ADGRL3: variants seen among roughly 807,000 people sequenced by gnomAD.
The protein encoded by ADGRL3 is calcium-independent alpha-latrotoxin receptor 3.
A neutral mutation model predicts 153.5 loss-of-function variants in ADGRL3; 62 were observed. That is an observed-to-expected ratio of 0.40 (90% confidence interval 0.33 to 0.50). The LOEUF (loss-of-function observed/expected upper bound fraction) is 0.50. ADGRL3 is among the 20% of genes least tolerant of loss of function. ADGRL3 has a pLI of 0.47. For synonymous variants in ADGRL3, 710 were observed against 672.5 expected, an observed-to-expected ratio of 1.06 and a Z score of -0.86; for missense variants, 1,641 against 1,859.4, an observed-to-expected ratio of 0.88 and a Z score of 2.16.
chr4:61,546,311 A>G (rs1274994884), intron 4 of ADGRL3, among the ~76,000 whole-genome samples: 1 of 152,162 alleles, frequency 6.6e-6, no homozygotes, highest in Non-Finnish European at 1.5e-5. Flanking sequence ...ATATGTCTGT[A>G]TTACACCAGT....
chr4:62,000,413 G>A (rs1277243004), intron 21 of ADGRL3, among the ~76,000 whole-genome samples: 1 of 151,796 alleles, frequency 6.6e-6, no homozygotes, highest in Non-Finnish European at 1.5e-5. Flanking sequence ...TAGGTAATGT[G>A]GGTGAATCTT....
chr4:61,607,864 A>C (rs2099038675), intron 5 of ADGRL3, among the ~76,000 whole-genome samples: 1 of 152,138 alleles, frequency 6.6e-6, no homozygotes, highest in African/African-American at 2.4e-5. Flanking sequence ...CTTCATAATT[A>C]AACTGTAAAC....
intron 13 of ADGRL3, among the ~76,000 whole-genome samples, chr4:61,925,550 C>T (rs993377589): frequency 1.3e-5 from 2 of 152,096 alleles, no homozygotes; most frequent in Non-Finnish European, 2.9e-5. Flanking sequence ...ATCTGCTTAG[C>T]TTCTGGGGTG....
At chr4:61,232,558 C>G (rs541348624) in intron 1 of ADGRL3, among the ~76,000 whole-genome samples, 1 of 152,232 alleles carries the variant, frequency 6.6e-6, no homozygotes, top group East Asian at 1.9e-4. Flanking sequence ...ATCCACCTTC[C>G]TTGGCCTCCC....
intron 4 of ADGRL3, among the ~76,000 whole-genome samples, chr4:61,573,471 T>C (rs1342366271): frequency 6.6e-6 from 1 of 151,974 alleles, no homozygotes; most frequent in Non-Finnish European, 1.5e-5. Flanking sequence ...AGTGAATGAT[T>C]GTGAGAACAT....
Position 61,946,916 on chromosome 4 carries a change from G to C in ADGRL3, c.2422G>C (p.Glu808Gln), listed in dbSNP as rs1463289112. The change falls in exon 16 of 27, where the codon GAG becomes CAG. Residue 808 changes from glutamate (E) to glutamine (Q), a missense_variant and splice_region_variant. Transcript: ENST00000683033. ...NTLKQNGRNG[E>Q]IRVAFVLYNN... is the part of the protein sequence containing the mutation. ...ATCAGAGTTTGCATTTACTTTAGGA[G>C]AGATCAGAGTGGCCTTTGTCCTGTA... The C allele has an allele frequency of 6.2e-7, 1 of 1,612,506 alleles. No individual in the cohort carries two copies. The highest frequency in any genetic ancestry group is 8.5e-7 in the Non-Finnish European group (1 of 1,178,698).
In ADGRL3 at chr4:61,215,503, A is replaced by T. The variant is rs182047605; in HGVS notation, c.-240+13738A>T. On this transcript the variant is annotated intron_variant, in intron 1 of 26. Coordinates refer to ENST00000683033, the MANE Select transcript of ADGRL3 (RefSeq NM_001387552.1). ...GTTGAAGTAACTTGCCCAAAGTTAC[A>T]TGGCAGTTTTGTAGCACATGCTGCC... Among the ~76,000 whole-genome samples, 147 of 150,112 alleles carry T rather than the reference A, an allele frequency of 9.8e-4. 1 individual carries two copies. The highest frequency in any genetic ancestry group is 9.7e-3 in the Admixed American group (147 of 15,108).
At position 61,307,125 on chromosome 4, in the gene ADGRL3, T is replaced by C. The variant is rs2094818972; in HGVS notation, c.-239-75999T>C. 5.3e-5 allele frequency among the ~76,000 whole-genome samples: 8 copies of C among 152,342 alleles called. 1 individual carries two copies. The South Asian group carries it at 1.7e-3, about 32-fold the overall frequency. The stretch of plus-strand genomic sequence containing the variant: ...TGAGGCGCATAATAAATAGGTGACT[T>C]GCCCAATCTTAAACAGCTTTTAGCC... On this transcript the variant is annotated intron_variant, in intron 1 of 26. Transcript: ENST00000683033.
intron 2 of ADGRL3, among the ~76,000 whole-genome samples, chr4:61,397,035 T>C (rs1270350675): frequency 2.0e-5 from 3 of 148,446 alleles, no homozygotes; most frequent in Admixed American, 6.7e-5. Flanking sequence ...TTTTCTAATA[T>C]GATAAGTATA....
intron 5 of ADGRL3, 115 bp downstream of exon 5, chr4:61,587,555 A>G (rs41278567): frequency 0.19 from 146,286 of 767,142 alleles, 15,459 homozygotes; most frequent in Non-Finnish European, 0.22. Flanking sequence ...GGACACTTCA[A>G]AATAGTTTTT....
intron 5 of ADGRL3, among the ~76,000 whole-genome samples, chr4:61,654,077 G>A (rs1310628752): frequency 6.6e-6 from 1 of 152,080 alleles, no homozygotes; most frequent in Non-Finnish European, 1.5e-5. Context: ...TTTGTGTTAG[G>A]CAACATACAT....
rs557145285 is a variant in ADGRL3, at chr4:61,262,637, C to T, written c.-240+60872C>T. On this transcript the variant is annotated intron_variant, in intron 1 of 26. Transcript: ENST00000683033. ...TTTTGGGCCCTCCTTTTATCTTAATCGTATTTATTCTATCATAGTCATTGT... is the reference window on the plus strand; with the variant it reads ...TTTTGGGCCCTCCTTTTATCTTAATTGTATTTATTCTATCATAGTCATTGT... Among the ~76,000 whole-genome samples the T allele has an allele frequency of 1.1e-4, 16 of 152,050 alleles. 1 individual carries two copies. In the Middle Eastern group the frequency reaches 0.014, roughly 129 times the overall value.
chr4:62,065,612 C>T (rs1204179920), intron 25 of ADGRL3, among the ~76,000 whole-genome samples: 1 of 151,960 alleles, frequency 6.6e-6, no homozygotes, highest in Non-Finnish European at 1.5e-5. Context: ...ATAGAAGAGT[C>T]ATAGGTATTT....
chr4:61,563,697 A>G (rs894758564), intron 4 of ADGRL3, among the ~76,000 whole-genome samples: 1 of 152,140 alleles, frequency 6.6e-6, no homozygotes, highest in Admixed American at 6.5e-5. Context: ...CTTTCATGCT[A>G]TGGAGATTAC....
intron 1 of ADGRL3, among the ~76,000 whole-genome samples, chr4:61,371,936 A>T (rs2096535830): frequency 6.6e-6 from 1 of 151,880 alleles, no homozygotes; most frequent in African/African-American, 2.4e-5. Context: ...TTTTCTTTTT[A>T]TTCTTTTTTC....
At chr4:62,034,105 T>G (rs960575731) in intron 23 of ADGRL3, among the ~76,000 whole-genome samples, 3 of 151,772 alleles carry the variant, frequency 2.0e-5, no homozygotes, top group African/African-American at 7.2e-5. Context: ...ATATTTAACA[T>G]AAGTTAAATT....
intron 6 of ADGRL3, among the ~76,000 whole-genome samples, chr4:61,716,077 T>A (rs560869980): frequency 6.6e-6 from 1 of 152,238 alleles, no homozygotes; most frequent in South Asian, 2.1e-4. Context: ...TATTTTATTT[T>A]TATTTGCTCA....
intron 4 of ADGRL3, among the ~76,000 whole-genome samples, chr4:61,581,174 G>A: frequency 6.6e-6 from 1 of 151,980 alleles, no homozygotes. Context: ...GATTCAGAGA[G>A]GGCTGCTCAT....
At chr4:61,762,505 T>C (rs545280066) in intron 8 of ADGRL3, among the ~76,000 whole-genome samples, 2 of 152,228 alleles carry the variant, frequency 1.3e-5, no homozygotes, top group East Asian at 1.9e-4. Context: ...TTGTCAAAAA[T>C]GTGAAAAGTT....
Sources: gnomAD v4.1 joint callset for allele counts (sites outside exome capture counted in the v4.1 genomes callset) on GRCh38, gnomAD v4.1.1 for gene constraint, MANE v1.5 for transcripts, NCBI Gene and HGNC (gene_info 2026-07-23, HGNC 2026-07-21) for gene names.